The following TSGA10 variants were observed in gnomAD, a reference collection of about 807,000 sequenced individuals.
TSGA10 encodes the protein testis specific 10.
Under a neutral mutation model 96.6 loss-of-function variants are expected in TSGA10, and 43 were observed. The observed-to-expected ratio is 0.44, with a 90% CI of 0.35 to 0.57. TSGA10 has a LOEUF of 0.57. TSGA10 is among the 20% of genes least tolerant of loss of function. The probability of loss-of-function intolerance (pLI) is 0.01; values close to 1 mark genes in which losing one functional copy is unlikely to be tolerated. For synonymous variants in TSGA10, 229 were observed against 269.9 expected, an observed-to-expected ratio of 0.85 and a Z score of 1.48; for missense variants, 703 against 834.4, an observed-to-expected ratio of 0.84 and a Z score of 1.94.
intron 16 of TSGA10, among the ~76,000 whole-genome samples, chr2:99,060,619 A>G (rs957137165): frequency 6.6e-6 from 1 of 152,166 alleles, no homozygotes; most frequent in African/African-American, 2.4e-5. Flanking sequence ...GTGGAAATGC[A>G]GAGGACCCAT....
At chr2:99,007,889 G>GT (rs1311689541) in intron 20 of TSGA10, among the ~76,000 whole-genome samples, 1 of 152,170 alleles carries the variant, frequency 6.6e-6, no homozygotes, top group Non-Finnish European at 1.5e-5. Context: ...ATTAAATAGT[G>GT]TGGGACTGCA....
chr2:99,128,489 T>C (rs1189132194), intron 1 of TSGA10, among the ~76,000 whole-genome samples: 1 of 152,258 alleles, frequency 6.6e-6, no homozygotes, highest in Non-Finnish European at 1.5e-5. Flanking sequence ...TTTTACTGAA[T>C]TTAAGAATCA....
intron 17 of TSGA10, among the ~76,000 whole-genome samples, chr2:99,027,321 A>G (rs1243446368): frequency 6.6e-6 from 1 of 152,226 alleles, no homozygotes. Context: ...ATACTGTATG[A>G]TCTTACTTAT....
At chr2:99,020,971 TATA>T (rs2079955931) in intron 17 of TSGA10, among the ~76,000 whole-genome samples, 1 of 149,388 alleles carries the variant, frequency 6.7e-6, no homozygotes. Context: ...TAAATATAAT[TATA>T]ATTAATATAA....
At chr2:99,136,983 G>A (rs1024902539) in intron 1 of TSGA10, among the ~76,000 whole-genome samples, 2 of 149,584 alleles carry the variant, frequency 1.3e-5, no homozygotes, top group Non-Finnish European at 3.0e-5. Flanking sequence ...CTACTTTAAC[G>A]TGTCTAAAAC....
intron 15 of TSGA10, among the ~76,000 whole-genome samples, chr2:99,067,081 T>TCC (rs764999482): frequency 1.2e-4 from 18 of 152,208 alleles, no homozygotes; most frequent in Non-Finnish European, 2.4e-4. Flanking sequence ...TTCTTACCTC[T>TCC]CCTTTATCAT....
At chr2:99,150,713 C>G in intron 1 of TSGA10, 1 of 1,613,918 alleles carries the variant, frequency 6.2e-7, no homozygotes, top group Non-Finnish European at 8.5e-7. Context: ...TTAGAAGACA[C>G]AAATCAAGAA....
chr2:99,063,072 T>C (rs1341464072), intron 16 of TSGA10, among the ~76,000 whole-genome samples: 1 of 152,210 alleles, frequency 6.6e-6, no homozygotes, highest in African/African-American at 2.4e-5. Context: ...AATTGACCAA[T>C]GGAGCAGAAT....
intron 1 of TSGA10, among the ~76,000 whole-genome samples, chr2:99,134,033 A>G (rs947016641): frequency 1.3e-5 from 2 of 151,954 alleles, no homozygotes; most frequent in African/African-American, 4.8e-5. Context: ...CTTTCATTTC[A>G]GCCTTGGTGA....
chr2:99,133,322 C>T (rs879334874), intron 1 of TSGA10, among the ~76,000 whole-genome samples: 14 of 152,062 alleles, frequency 9.2e-5, no homozygotes, highest in Admixed American at 8.5e-4. Context: ...TGCATTGATC[C>T]CTTAACCATT....
intron 1 of TSGA10, among the ~76,000 whole-genome samples, chr2:99,138,100 T>C (rs970469385): frequency 2.6e-5 from 4 of 152,210 alleles, no homozygotes; most frequent in Non-Finnish European, 5.9e-5. Context: ...TTATATGTTA[T>C]TTCATTATAG....
At chr2:99,032,099 G>A (rs1340857334) in intron 17 of TSGA10, among the ~76,000 whole-genome samples, 1 of 152,134 alleles carries the variant, frequency 6.6e-6, no homozygotes, top group Non-Finnish European at 1.5e-5. Context: ...CAATTGTACA[G>A]TTGCATCTAG....
intron 17 of TSGA10, among the ~76,000 whole-genome samples, chr2:99,022,690 C>A (rs2080154597): frequency 6.6e-6 from 1 of 152,020 alleles, no homozygotes; most frequent in South Asian, 2.1e-4. Context: ...GTTTTCATTC[C>A]TCTTGAATAG....
intron 20 of TSGA10, among the ~76,000 whole-genome samples, chr2:99,006,835 C>G (rs2078524869): frequency 6.6e-6 from 1 of 152,166 alleles, no homozygotes; most frequent in Non-Finnish European, 1.5e-5. Context: ...ATTACAAAGA[C>G]ACATGCACAC....
intron 10 of TSGA10, among the ~76,000 whole-genome samples, chr2:99,096,732 T>C (rs995506172): frequency 2.6e-5 from 4 of 152,200 alleles, no homozygotes; most frequent in African/African-American, 9.7e-5. Flanking sequence ...AAACAGACTT[T>C]GCTATCTAAG....
intron 17 of TSGA10, 30 bp from the exon 18 acceptor site, chr2:99,020,512 T>C (rs1438256314): frequency 6.7e-7 from 1 of 1,501,358 alleles, no homozygotes; most frequent in East Asian, 2.3e-5. Context: ...TATCTACACT[T>C]ATTCCCATTA....
Position 99,035,459 on chromosome 2 carries a change from T to C in TSGA10, c.1405-20A>G. The C allele has an allele frequency of 2.0e-6, 3 of 1,489,894 alleles. No individual in the cohort carries two copies. Among genetic ancestry groups the C allele is most frequent in the South Asian group, 1.2e-5 (1 of 83,044 alleles). 92.3% of individuals were successfully genotyped at this position (1,489,894 alleles called of 1,614,324 possible). A position where few individuals can be genotyped will look rare whatever the true frequency, so the allele number is the denominator to read the frequency against. On this transcript the variant is annotated intron_variant, in intron 16 of 20. Transcript: ENST00000393483. ...TAAGTGCTGTAAGAATAAAATTATATATATGTATGTATACATATATATTAA... is the reference window on the plus strand; with the variant it reads ...TAAGTGCTGTAAGAATAAAATTATACATATGTATGTATACATATATATTAA...
intron 1 of TSGA10, chr2:99,141,291 G>C: frequency 3.7e-6 from 2 of 546,190 alleles, no homozygotes; most frequent in Non-Finnish European, 5.2e-6. Flanking sequence ...GAAGGAGGAG[G>C]GGGCGGTTAG....
At chr2:99,098,438 C>CAAAAA (rs59144676) in intron 10 of TSGA10, among the ~76,000 whole-genome samples, 215 of 91,488 alleles carry the variant, frequency 2.4e-3, no homozygotes, top group Non-Finnish European at 3.1e-3. Flanking sequence ...GACTCTGCCT[C>CAAAAA]AAAAAAAAAA....
Sources: gnomAD v4.1 joint callset for allele counts (sites outside exome capture counted in the v4.1 genomes callset) on GRCh38, gnomAD v4.1.1 for gene constraint, MANE v1.5 for transcripts, NCBI Gene and HGNC (gene_info 2026-07-23, HGNC 2026-07-21) for gene names.